TULP4: variants seen among roughly 807,000 people sequenced by gnomAD.
The protein encoded by TULP4 is TUB like protein 4.
In TULP4, 16 loss-of-function variants were observed where a neutral mutation model predicts 129.0. The observed-to-expected ratio is 0.12, with a 90% confidence interval of 0.08 to 0.19. TULP4 has a LOEUF of 0.19. Among genes scored for constraint, TULP4 ranks in the 10% least tolerant of loss-of-function variants. TULP4 has a pLI of 1.00. For synonymous variants in TULP4, 998 were observed against 854.0 expected, an observed-to-expected ratio of 1.17 and a Z score of -2.94; for missense variants, 1,842 against 2,059.1, an observed-to-expected ratio of 0.89 and a Z score of 2.04.
At chr6:158,252,806 C>T (rs989707326) in intron 1 of TULP4, among the ~76,000 whole-genome samples, 2 of 152,144 alleles carry the variant, frequency 1.3e-5, no homozygotes, top group Admixed American at 6.5e-5. Context: ...ATGGCCACTC[C>T]GTAGGCAGAG....
intron 1 of TULP4, among the ~76,000 whole-genome samples, chr6:158,285,296 TAACAATA>T: frequency 6.6e-6 from 1 of 152,224 alleles, no homozygotes; most frequent in East Asian, 1.9e-4. Flanking sequence ...TGTTGTTTAT[TAACAATA>T]AACAACATAT....
chr6:158,501,048 C>T (rs1780434228), intron 12 of TULP4, among the ~76,000 whole-genome samples: 2 of 151,934 alleles, frequency 1.3e-5, no homozygotes, highest in African/African-American at 4.8e-5. Flanking sequence ...TACTGCACGC[C>T]TGGGCAACAG....
intron 1 of TULP4, among the ~76,000 whole-genome samples, chr6:158,272,345 T>C (rs1017199054): frequency 6.6e-6 from 1 of 152,190 alleles, no homozygotes; most frequent in African/African-American, 2.4e-5. Flanking sequence ...AGCCAAGAAT[T>C]GTTGTTCAGT....
intron 9 of TULP4, among the ~76,000 whole-genome samples, chr6:158,491,583 C>A (rs529640716): frequency 6.6e-6 from 1 of 151,848 alleles, no homozygotes; most frequent in African/African-American, 2.4e-5. Flanking sequence ...ACCTCCACCT[C>A]CTGGGTTCAA....
At chr6:158,369,823 G>A (rs1777033814) in intron 1 of TULP4, among the ~76,000 whole-genome samples, 1 of 152,054 alleles carries the variant, frequency 6.6e-6, no homozygotes, top group Non-Finnish European at 1.5e-5. Flanking sequence ...GAGGGGGAGG[G>A]AGATTTGCTT....
At chr6:158,298,376 A>G (rs896211634) in intron 1 of TULP4, among the ~76,000 whole-genome samples, 2 of 152,202 alleles carry the variant, frequency 1.3e-5, no homozygotes, top group Admixed American at 1.3e-4. Context: ...GAACTGATAA[A>G]TGTCCATATT....
At position 158,479,757 on chromosome 6, in the gene TULP4, A is replaced by G. The variant is rs747788632; in HGVS notation, c.1033A>G (p.Ile345Val). 8.7e-6 allele frequency: 14 copies of G among 1,612,928 alleles called. No individual in the cohort carries two copies. The East Asian group carries it at 2.9e-4, about 33-fold the overall frequency. The part of the protein sequence containing the change: ...FTLDTLVQRP[I>V]ISICWGHRDS... ...TCCCTTCACTTCCTGCCAGCGCCCC[A>G]TCATCTCCATCTGCTGGGGTCACCG... Residue 345 changes from isoleucine to valine, a missense_variant, in exon 7 of 14, where the codon ATC becomes GTC. By Grantham distance (29) the Ile-to-Val change is conservative (BLOSUM62 3). Transcript: ENST00000367097.
rs192930497 is a variant in TULP4 at position 158,401,778 on chromosome 6, T to C, written c.253-11287T>C. On this transcript the variant is annotated intron_variant, in intron 1 of 13. Transcript: ENST00000367097. Reference sequence around the variant, plus strand: ...ACTAGCTCTGTACTTTTGGAATTGCTCTCTAGTAGATGGATACAACACCTC... The same window carrying C: ...ACTAGCTCTGTACTTTTGGAATTGCCCTCTAGTAGATGGATACAACACCTC... 4.1e-4 allele frequency among the ~76,000 whole-genome samples: 62 copies of C among 152,274 alleles called. 1 individual carries two copies. The East Asian group carries it at 9.8e-3, about 24-fold the overall frequency.
At chr6:158,378,331 A>G (rs1219064242) in intron 1 of TULP4, among the ~76,000 whole-genome samples, 1 of 152,292 alleles carries the variant, frequency 6.6e-6, no homozygotes, top group East Asian at 1.9e-4. Flanking sequence ...GCAAAATTGT[A>G]TACCAAATTT....
At position 158,502,526 on chromosome 6, in the gene TULP4, A is replaced by G. The variant is rs780591087; in HGVS notation, c.2863A>G (p.Thr955Ala). 41 of 1,610,510 alleles carry G rather than the reference A, an allele frequency of 2.5e-5. No homozygotes were observed. The highest frequency in any genetic ancestry group is 3.4e-5 in the Non-Finnish European group (40 of 1,179,778). The change falls in exon 13 of 14, where the codon ACC (threonine) becomes GCC (alanine). Residue 955 changes from threonine (T) to alanine (A), a missense_variant. This residue lies in a region of TULP4 where 1,089 missense variants were observed against 987.1 expected (regional missense o/e 1.10). Coordinates refer to ENST00000367097, the MANE Select transcript of TULP4 (RefSeq NM_020245.5). ...RLTVPRYSIP[T>A]GDPPPYPEIA... ...GACCGTCCCTCGCTACTCCATCCCCACCGGGGACCCACCCCCGTATCCTGA... is the reference window on the plus strand; with the variant it reads ...GACCGTCCCTCGCTACTCCATCCCCGCCGGGGACCCACCCCCGTATCCTGA...
chr6:158,306,139 G>A (rs1032915440), intron 1 of TULP4, among the ~76,000 whole-genome samples: 36 of 152,082 alleles, frequency 2.4e-4, no homozygotes, highest in African/African-American at 7.7e-4. Context: ...CATATATGGC[G>A]TTTTATGATT....
chr6:158,313,394 G>A lies in TULP4; in HGVS notation c.-623G>A. On this transcript the variant is annotated 5_prime_UTR_variant, in exon 1 of 14. It adds an upstream start codon to the 5' untranslated region. Coordinates refer to ENST00000367097, the MANE Select transcript of TULP4 (RefSeq NM_020245.5). ...AACTCTGGTCTGTTTTGCACGGTTT[G>A]TGTGCCTTTTTTTCCCTTTATGCAA... 1 of 398,714 alleles carries A rather than the reference G, an allele frequency of 2.5e-6. No individual in the cohort carries two copies. Among genetic ancestry groups the A allele is most frequent in the African/African-American group, 2.1e-5 (1 of 48,736 alleles). 24.7% of individuals were successfully genotyped at this position (398,714 alleles called of 1,614,324 possible). A position where few individuals can be genotyped will look rare whatever the true frequency, so the allele number is the denominator to read the frequency against.
chr6:158,387,153 G>A lies in TULP4; in HGVS notation c.253-25912G>A, dbSNP rs150895618. Among the ~76,000 whole-genome samples, 5 of 152,038 alleles carry A rather than the reference G, an allele frequency of 3.3e-5. No individual in the cohort carries two copies. The East Asian group carries it at 7.7e-4, about 23-fold the overall frequency. On this transcript the variant is annotated intron_variant, in intron 1 of 13. Transcript: ENST00000367097. ...GTGGCCCAGGGACCACAGCAGCACT[G>A]TAAGTGTGATGGCTGTTTTTATAGA...
At position 158,477,752 on chromosome 6, in the gene TULP4, TTACTGGG is replaced by T. The variant is rs562976877; in HGVS notation, c.1027-1996_1027-1990del. ...ACTAACGTTCGACCCAGCAATCCCA[TTACTGGG>T]TATATACCCAAAGGAATATTTGTTC... On this transcript the variant is annotated intron_variant, in intron 6 of 13. Transcript: ENST00000367097. Among the ~76,000 whole-genome samples the T allele has an allele frequency of 8.5e-5, 13 of 152,230 alleles. No individual in the cohort carries two copies. In the South Asian group the frequency reaches 1.9e-3, roughly 22 times the overall value.
intron 1 of TULP4, among the ~76,000 whole-genome samples, chr6:158,340,505 G>A (rs1780155727): frequency 6.6e-6 from 1 of 152,114 alleles, no homozygotes; most frequent in South Asian, 2.1e-4. Context: ...GAGGAAAGGG[G>A]TGGTTCCACA....
chr6:158,395,921 G>A (rs1310895070), intron 1 of TULP4, among the ~76,000 whole-genome samples: 1 of 151,586 alleles, frequency 6.6e-6, no homozygotes, highest in Non-Finnish European at 1.5e-5. Flanking sequence ...ATTTTTATAC[G>A]TTGCACAGTC....
At chr6:158,470,472 A>G (rs1010512830) in intron 6 of TULP4, among the ~76,000 whole-genome samples, 2 of 152,314 alleles carry the variant, frequency 1.3e-5, no homozygotes, top group East Asian at 1.9e-4. Flanking sequence ...ATGATTGGCT[A>G]TTTCTTTACC....
Position 158,385,842 on chromosome 6 carries a change from C to CTTTTTTTTTTTTTTTTTTTTTTTT in TULP4, c.253-27203_253-27202insTTTTTTTTTTTTTTTTTTTTTTTT, listed in dbSNP as rs778595442. Among the ~76,000 whole-genome samples the CTTTTTTTTTTTTTTTTTTTTTTTT allele has an allele frequency of 2.2e-3, 132 of 59,584 alleles. 31 individuals carry two copies. Among genetic ancestry groups the CTTTTTTTTTTTTTTTTTTTTTTTT allele is most frequent in the East Asian group, 2.8e-3 (7 of 2,472 alleles). 39.1% of individuals were successfully genotyped at this position (59,584 alleles called of 152,430 possible). On this transcript the variant is annotated intron_variant, in intron 1 of 13. Coordinates refer to ENST00000367097, the MANE Select transcript of TULP4 (RefSeq NM_020245.5). ...GGAAAAGTCTACAAATGTGGAATATCTTTTTTTTTTTTTTTTTTTTGAGAA... is the reference window on the plus strand; with the variant it reads ...GGAAAAGTCTACAAATGTGGAATATCTTTTTTTTTTTTTTTTTTTTTTTTTTTTTTTTTTTTTTTTTTTTGAGAA...
intron 1 of TULP4, among the ~76,000 whole-genome samples, chr6:158,319,315 G>A (rs9456289): frequency 0.17 from 26,328 of 152,158 alleles, 2,698 homozygotes; most frequent in Middle Eastern, 0.26. Context: ...CAGGGGTTGT[G>A]AACTTGTGTC....
Sources: gnomAD v4.1 joint callset for allele counts (sites outside exome capture counted in the v4.1 genomes callset) on GRCh38, gnomAD v4.1.1 for gene constraint, gnomAD v4.1.1 regional missense constraint, MANE v1.5 for transcripts, NCBI Gene and HGNC (gene_info 2026-07-23, HGNC 2026-07-21) for gene names.